Variants in ABCG8 observed in about 807,000 individuals in gnomAD.
ABCG8 encodes ATP-binding cassette sub-family G member 8.
In ABCG8, 81 loss-of-function variants were observed where a neutral mutation model predicts 71.3. That is an observed-to-expected ratio of 1.14 (90% CI 0.95 to 1.37). The LOEUF (loss-of-function observed/expected upper bound fraction) is 1.37, where lower values mean the gene tolerates loss of function less well. Ranked by LOEUF, ABCG8 falls within the 40% of genes most tolerant of loss-of-function variation. ABCG8 has a pLI of 0.00. For synonymous variants in ABCG8, 451 were observed against 354.7 expected (o/e 1.27, Z -3.05); for missense variants, 1,119 against 866.2 (o/e 1.29, Z -3.66).
At position 43,839,128 on chromosome 2, in the gene ABCG8, A is replaced by G. The variant is rs1323438298; in HGVS notation, c.63+12A>G. The G allele has an allele frequency of 1.3e-6, 2 of 1,550,964 alleles. No homozygotes were observed. ...CCCAGGATACCTCGGTGAGTGAGCAATGGGAAGTCGGCCCAGGCCTGGTGG... is the reference window on the plus strand; with the variant it reads ...CCCAGGATACCTCGGTGAGTGAGCAGTGGGAAGTCGGCCCAGGCCTGGTGG... On this transcript the variant is annotated intron_variant, in intron 1 of 12. Transcript: ENST00000272286.
intron 1 of ABCG8, 102 bp downstream of exon 1, chr2:43,839,218 A>C: frequency 7.8e-7 from 1 of 1,284,580 alleles, no homozygotes; most frequent in South Asian, 1.3e-5. Flanking sequence ...CACCACCCGG[A>C]CATCAAGCAG....
Position 43,872,077 on chromosome 2 carries a change from T to C in ABCG8, c.1066T>C (p.Leu356=), listed in dbSNP as rs754428212. The C allele has an allele frequency of 6.2e-7, 1 of 1,614,084 alleles. No individual in the cohort carries two copies. Among genetic ancestry groups the C allele is most frequent in the Non-Finnish European group, 8.5e-7 (1 of 1,180,028 alleles). The change falls in exon 7 of 13, where the codon TTA becomes CTA. Residue 356 remains leucine (L), a synonymous_variant. Transcript: ENST00000272286. ...AALFLEKVRD[L]DDFLWKAETK... is the part of the protein sequence containing the mutation. Reference sequence around the variant, plus strand: ...CCTGTTTCTAGAAAAAGTGCGTGACTTAGATGACTTTCTATGGAAAGCAGA... The same window carrying C: ...CCTGTTTCTAGAAAAAGTGCGTGACCTAGATGACTTTCTATGGAAAGCAGA...
intron 6 of ABCG8, among the ~76,000 whole-genome samples, chr2:43,860,824 G>A (rs188428047): frequency 1.3e-3 from 192 of 143,908 alleles, no homozygotes; most frequent in African/African-American, 4.8e-3. Flanking sequence ...CTATCTGTCT[G>A]TATAGAATTC....
chr2:43,855,732 C>T (rs968782255), intron 6 of ABCG8, among the ~76,000 whole-genome samples: 3 of 152,052 alleles, frequency 2.0e-5, no homozygotes, highest in African/African-American at 7.2e-5. Context: ...ATAGAATTCT[C>T]ACTCTCTGGA....
At chr2:43,859,149 A>C (rs1025316594) in intron 6 of ABCG8, among the ~76,000 whole-genome samples, 6 of 151,288 alleles carry the variant, frequency 4.0e-5, no homozygotes, top group African/African-American at 1.2e-4. Context: ...AAATGTCTGG[A>C]TAGAATTCTC....
chr2:43,839,123 G>C lies in ABCG8; in HGVS notation c.63+7G>C. On this transcript the variant is annotated splice_region_variant and intron_variant, in intron 1 of 12. Coordinates refer to ENST00000272286, the MANE Select transcript of ABCG8 (RefSeq NM_022437.3). ...CACTCCCCAGGATACCTCGGTGAGT[G>C]AGCAATGGGAAGTCGGCCCAGGCCT... 2 of 1,551,146 alleles carry C rather than the reference G, an allele frequency of 1.3e-6. No homozygotes were observed. The highest frequency in any genetic ancestry group is 1.7e-6 in the Non-Finnish European group (2 of 1,146,764).
intron 6 of ABCG8, among the ~76,000 whole-genome samples, chr2:43,865,489 A>C (rs542381884): frequency 1.0e-4 from 14 of 140,548 alleles, no homozygotes; most frequent in African/African-American, 3.8e-4. Context: ...CACTCTCACT[A>C]TCTGTCTGGA....
intron 3 of ABCG8, among the ~76,000 whole-genome samples, chr2:43,850,563 G>A (rs1335650532): frequency 6.6e-6 from 1 of 152,164 alleles, no homozygotes; most frequent in East Asian, 1.9e-4. Context: ...CAGGTAGTAA[G>A]CTTTGTACCC....
intron 11 of ABCG8, 132 bp from the exon 12 acceptor site, chr2:43,877,429 G>A: frequency 7.0e-7 from 1 of 1,424,184 alleles, no homozygotes; most frequent in South Asian, 1.2e-5. Flanking sequence ...GGGAATATGG[G>A]GAGATCATGC....
At chr2:43,857,021 G>A (rs60722737) in intron 6 of ABCG8, among the ~76,000 whole-genome samples, 2 of 149,802 alleles carry the variant, frequency 1.3e-5, no homozygotes, top group South Asian at 2.1e-4. Context: ...CTGGATAGAA[G>A]TCTCACTCTC....
At chr2:43,839,861 G>C (rs922917038) in intron 1 of ABCG8, among the ~76,000 whole-genome samples, 17 of 152,326 alleles carry the variant, frequency 1.1e-4, no homozygotes, top group South Asian at 6.2e-4. Flanking sequence ...GTGACAGACG[G>C]CTTTTGTGGG....
At chr2:43,863,257 A>T (rs1246614403) in intron 6 of ABCG8, among the ~76,000 whole-genome samples, 1 of 151,150 alleles carries the variant, frequency 6.6e-6, no homozygotes, top group African/African-American at 2.4e-5. Context: ...CACCATCGGG[A>T]TAGAATTCTC....
intron 6 of ABCG8, among the ~76,000 whole-genome samples, chr2:43,854,997 G>A (rs1669052622): frequency 6.6e-6 from 1 of 152,238 alleles, no homozygotes; most frequent in African/African-American, 2.4e-5. Context: ...GGGTCAGTGA[G>A]AAATCTACCT....
rs1276454047 is a variant in ABCG8, at chr2:43,877,990, CCTGGGGACAG to C, written c.*78_*87del. The C allele has an allele frequency of 1.2e-5, 19 of 1,604,488 alleles. No homozygotes were observed. The African/African-American group carries it at 1.7e-4, about 15-fold the overall frequency. ...TGCACTCCCTCCTCAGGAGCCCCTT[CCTGGGGACAG>C]TGAGGACAATGACCCTACAGATGCT... On this transcript the variant is annotated 3_prime_UTR_variant, in exon 13 of 13. Transcript: ENST00000272286.
Position 43,878,155 on chromosome 2 carries a change from G to A in ABCG8, c.*242G>A. 2 of 585,832 alleles carry A rather than the reference G, an allele frequency of 3.4e-6. No individual in the cohort carries two copies. Among genetic ancestry groups the A allele is most frequent in the Admixed American group, 2.9e-5 (1 of 35,072 alleles). The allele number at this position is 585,832 out of a possible 1,614,324, so 36.3% of individuals were successfully genotyped here. Reference sequence around the variant, plus strand: ...GATGACTGGGAGAAAACCTGCACTCGGTGGCACCTACAACGTTGCTAATTT... The same window carrying A: ...GATGACTGGGAGAAAACCTGCACTCAGTGGCACCTACAACGTTGCTAATTT... On this transcript the variant is annotated 3_prime_UTR_variant, in exon 13 of 13. Coordinates refer to ENST00000272286, the MANE Select transcript of ABCG8 (RefSeq NM_022437.3).
At chr2:43,850,659 C>G (rs907712855) in intron 3 of ABCG8, among the ~76,000 whole-genome samples, 1 of 152,276 alleles carries the variant, frequency 6.6e-6, no homozygotes, top group African/African-American at 2.4e-5. Flanking sequence ...AAAAATACCA[C>G]TGATGCACTT....
At chr2:43,856,402 C>T (rs548263577) in intron 6 of ABCG8, among the ~76,000 whole-genome samples, 19 of 152,000 alleles carry the variant, frequency 1.3e-4, no homozygotes, top group African/African-American at 4.3e-4. Flanking sequence ...AGAACTCTCA[C>T]TCTCTAGATA....
chr2:43,854,067 AG>A (rs1669017167), intron 6 of ABCG8, among the ~76,000 whole-genome samples: 1 of 152,248 alleles, frequency 6.6e-6, no homozygotes, highest in African/African-American at 2.4e-5. Flanking sequence ...AATAATTTAA[AG>A]TAACCCCAGA....
At chr2:43,841,428 C>G (rs1463656362) in intron 1 of ABCG8, among the ~76,000 whole-genome samples, 1 of 152,182 alleles carries the variant, frequency 6.6e-6, no homozygotes, top group African/African-American at 2.4e-5. Flanking sequence ...CGAATAGATA[C>G]TTAAGTATTT....
Sources: gnomAD v4.1 joint callset for allele counts (sites outside exome capture counted in the v4.1 genomes callset) on GRCh38, gnomAD v4.1.1 for gene constraint, MANE v1.5 for transcripts, NCBI Gene and HGNC (gene_info 2026-07-23, HGNC 2026-07-21) for gene names.